The following MMP16 variants were observed in gnomAD, a reference collection of about 807,000 sequenced individuals.
MMP16 encodes matrix metallopeptidase 16.
MMP16 carries 12 observed loss-of-function variants against 67.8 expected under a neutral mutation model. That is an observed-to-expected ratio of 0.18 (90% CI 0.11 to 0.29). The LOEUF is 0.29. MMP16 is among the 10% of genes least tolerant of loss of function. The probability of loss-of-function intolerance (pLI) is 1.00; values close to 1 mark genes in which losing one functional copy is unlikely to be tolerated. For synonymous variants in MMP16, 249 were observed against 255.9 expected (o/e 0.97, Z 0.26); for missense variants, 475 against 765.7 (o/e 0.62, Z 4.48).
At chr8:88,258,981 G>A (rs1810346480) in intron 1 of MMP16, among the ~76,000 whole-genome samples, 1 of 152,148 alleles carries the variant, frequency 6.6e-6, no homozygotes, top group Non-Finnish European at 1.5e-5. Flanking sequence ...AGAACCTAAT[G>A]TGGTAGCTTC....
intron 1 of MMP16, among the ~76,000 whole-genome samples, chr8:88,209,483 G>A (rs766589459): frequency 6.6e-6 from 1 of 152,076 alleles, no homozygotes; most frequent in African/African-American, 2.4e-5. Context: ...AAGACTTCTG[G>A]TCAACAGGAG....
intron 1 of MMP16, among the ~76,000 whole-genome samples, chr8:88,203,592 A>G (rs1483805987): frequency 3.9e-5 from 6 of 152,184 alleles, no homozygotes; most frequent in Non-Finnish European, 4.4e-5. Context: ...AGAGTTTCAC[A>G]TTGTCACCTC....
chr8:88,166,705 ATATAT>A (rs1808718159), intron 4 of MMP16, among the ~76,000 whole-genome samples: 1 of 135,262 alleles, frequency 7.4e-6, no homozygotes, highest in South Asian at 2.3e-4. Context: ...ATATATATAT[ATATAT>A]ATATATATAT....
At chr8:88,158,733 C>T (rs915862755) in intron 4 of MMP16, among the ~76,000 whole-genome samples, 4 of 152,152 alleles carry the variant, frequency 2.6e-5, no homozygotes, top group Admixed American at 1.3e-4. Flanking sequence ...GTCATGAAGT[C>T]CTTGCCCATG....
chr8:88,263,260 T>C (rs1810419184), intron 1 of MMP16, among the ~76,000 whole-genome samples: 2 of 152,102 alleles, frequency 1.3e-5, no homozygotes, highest in South Asian at 4.2e-4. Flanking sequence ...AAAAATTCAA[T>C]TTTTTCTTCC....
chr8:88,041,447 G>GA lies in MMP16; in HGVS notation c.*13dup. ...AAACTCCTGCAAAAGAAAGAAAGAA[G>GA]AAAAAACCCTACATCACACCCACTC... On this transcript the variant is annotated 3_prime_UTR_variant, in exon 10 of 10. Coordinates refer to ENST00000286614, the MANE Select transcript of MMP16 (RefSeq NM_005941.5). This position sits in a 1 kb window ranked among gnomAD's most constrained non-coding sequence, Gnocchi z 6.0. The GA allele has an allele frequency of 6.3e-7, 1 of 1,594,602 alleles. No homozygotes were observed. The highest frequency in any genetic ancestry group is 8.6e-7 in the Non-Finnish European group (1 of 1,167,730).
At chr8:88,217,662 G>C (rs565633307) in intron 1 of MMP16, among the ~76,000 whole-genome samples, 1 of 152,058 alleles carries the variant, frequency 6.6e-6, no homozygotes, top group Non-Finnish European at 1.5e-5. Context: ...GCCACAGACA[G>C]TTGAAGATGT....
intron 1 of MMP16, among the ~76,000 whole-genome samples, chr8:88,321,975 T>C (rs1030841059): frequency 6.6e-6 from 1 of 152,224 alleles, no homozygotes; most frequent in African/African-American, 2.4e-5. Flanking sequence ...TGTTTTTCAC[T>C]ATTTTTTACT....
intron 1 of MMP16, among the ~76,000 whole-genome samples, chr8:88,201,971 T>G (rs1432350161): frequency 6.6e-6 from 1 of 152,158 alleles, no homozygotes; most frequent in Non-Finnish European, 1.5e-5. Context: ...GCCAAAAAAT[T>G]AAACTCACGT....
intron 1 of MMP16, among the ~76,000 whole-genome samples, chr8:88,255,476 C>T (rs908267029): frequency 6.6e-5 from 10 of 152,024 alleles, no homozygotes; most frequent in African/African-American, 2.2e-4. Flanking sequence ...CATACAAACT[C>T]GAAGACACAC....
intron 6 of MMP16, among the ~76,000 whole-genome samples, chr8:88,089,053 G>A (rs1808890339): frequency 6.6e-6 from 1 of 152,004 alleles, no homozygotes; most frequent in African/African-American, 2.4e-5. Flanking sequence ...AAAGACAAAA[G>A]ATAAATAAAA....
intron 4 of MMP16, among the ~76,000 whole-genome samples, chr8:88,130,941 A>G (rs1372565597): frequency 6.6e-6 from 1 of 151,780 alleles, no homozygotes; most frequent in Non-Finnish European, 1.5e-5. Context: ...TATTGACTCA[A>G]AAAAAGGCAA....
In MMP16 at chr8:88,260,355, C is replaced by CA. The variant is rs560618714; in HGVS notation, c.133-63050dup. 3.0e-3 allele frequency among the ~76,000 whole-genome samples: 456 copies of CA among 151,802 alleles called. 5 individuals are homozygous for CA. Among genetic ancestry groups the CA allele is most frequent in the African/African-American group, 0.011 (444 of 41,420 alleles). ...CAAAGAAAGAAATTAAAACATAAGG[C>CA]AAAAAACACTTATTTTCCTTGCTAC... On this transcript the variant is annotated intron_variant, in intron 1 of 9. Transcript: ENST00000286614.
intron 1 of MMP16, among the ~76,000 whole-genome samples, chr8:88,299,776 T>C (rs1811069323): frequency 6.6e-6 from 1 of 152,220 alleles, no homozygotes; most frequent in South Asian, 2.1e-4. Context: ...TCATTCTTCT[T>C]TAACCTCCTG....
intron 4 of MMP16, among the ~76,000 whole-genome samples, chr8:88,134,482 CTT>C (rs1224255535): frequency 6.6e-6 from 1 of 151,546 alleles, no homozygotes; most frequent in African/African-American, 2.4e-5. Flanking sequence ...TTTCTACACA[CTT>C]TATTTTCTAT....
intron 6 of MMP16, among the ~76,000 whole-genome samples, chr8:88,075,922 A>G (rs529081307): frequency 9.2e-6 from 1 of 108,598 alleles, no homozygotes; most frequent in East Asian, 2.8e-4. Context: ...GGATTTATCA[A>G]TTACTCATAT....
At chr8:88,105,509 A>G (rs142217291) in intron 6 of MMP16, among the ~76,000 whole-genome samples, 1 of 151,658 alleles carries the variant, frequency 6.6e-6, no homozygotes, top group Non-Finnish European at 1.5e-5. Flanking sequence ...ATGTTCTGAA[A>G]CTGCAAAGTA....
intron 1 of MMP16, among the ~76,000 whole-genome samples, chr8:88,229,566 T>C (rs1489938858): frequency 1.3e-5 from 2 of 152,060 alleles, no homozygotes; most frequent in Non-Finnish European, 2.9e-5. Context: ...GGTTTTTATT[T>C]GCAGAAGAAC....
chr8:88,100,399 G>A (rs1384563197), intron 6 of MMP16, among the ~76,000 whole-genome samples: 3 of 151,990 alleles, frequency 2.0e-5, no homozygotes, highest in African/African-American at 7.2e-5. Context: ...CTGGTCATCA[G>A]AGAAATGCAA....
Sources: allele counts gnomAD v4.1 joint callset (sites outside exome capture counted in the v4.1 genomes callset), GRCh38; gene constraint gnomAD v4.1.1; non-coding constraint Gnocchi (gnomAD v3.1); transcripts MANE v1.5; gene names NCBI Gene and HGNC (gene_info 2026-07-23, HGNC 2026-07-21).